The following ZFHX3 variants were observed in gnomAD, a reference collection of about 807,000 sequenced individuals.
ZFHX3 encodes the protein zinc finger homeobox protein 3.
A neutral mutation model predicts 279.1 loss-of-function variants in ZFHX3; 42 were observed. The ratio of observed to expected loss-of-function variants is 0.15; its 90% CI spans 0.12 to 0.19. ZFHX3 has a LOEUF of 0.19. ZFHX3 is among the 10% of genes least tolerant of loss of function. The probability of loss-of-function intolerance (pLI) is 1.00; values close to 1 mark genes in which losing one functional copy is unlikely to be tolerated. For missense variants in ZFHX3, 4,981 were observed against 4,754.0 expected, an observed-to-expected ratio of 1.05 and a Z score of -1.40; for synonymous variants, 2,293 against 1,957.8, an observed-to-expected ratio of 1.17 and a Z score of -4.52.
At chr16:73,634,116 C>T (rs191214511) in intron 2 of ZFHX3, among the ~76,000 whole-genome samples, 1 of 152,032 alleles carries the variant, frequency 6.6e-6, no homozygotes, top group African/African-American at 2.4e-5. Context: ...AAAGATCTAT[C>T]TATGTGTACA....
At chr16:73,140,015 C>T (rs572142524) in intron 6 of ZFHX3, among the ~76,000 whole-genome samples, 3 of 152,282 alleles carry the variant, frequency 2.0e-5, no homozygotes, top group African/African-American at 4.8e-5. Context: ...CACCTGTAAT[C>T]CCAGCGCCTT....
chr16:73,368,429 C>A (rs1475479507), intron 3 of ZFHX3, among the ~76,000 whole-genome samples: 1 of 152,070 alleles, frequency 6.6e-6, no homozygotes, highest in Non-Finnish European at 1.5e-5. Flanking sequence ...CTGTGGTGAG[C>A]TCTTTTTCTA....
At chr16:73,655,451 T>C (rs1046371818) in intron 2 of ZFHX3, among the ~76,000 whole-genome samples, 4 of 152,272 alleles carry the variant, frequency 2.6e-5, no homozygotes, top group Middle Eastern at 3.4e-3. Context: ...AAAATTGACA[T>C]ATGAAAATCA....
At chr16:73,685,071 G>T (rs1324934521) in intron 1 of ZFHX3, among the ~76,000 whole-genome samples, 1 of 150,040 alleles carries the variant, frequency 6.7e-6, no homozygotes, top group Non-Finnish European at 1.5e-5. Flanking sequence ...CTGGAGTCCA[G>T]TGGCCCAACC....
At chr16:73,410,569 C>T (rs1290265165) in intron 3 of ZFHX3, among the ~76,000 whole-genome samples, 4 of 152,216 alleles carry the variant, frequency 2.6e-5, no homozygotes, top group South Asian at 2.1e-4. Context: ...GTCTTATGTA[C>T]CCCAAAAATA....
At chr16:73,759,699 C>T (rs182720336) in intron 1 of ZFHX3, among the ~76,000 whole-genome samples, 2 of 152,138 alleles carry the variant, frequency 1.3e-5, no homozygotes, top group Non-Finnish European at 1.5e-5. Flanking sequence ...CCTTGATTCT[C>T]ATAAACCCTT....
rs750334357 is a variant in ZFHX3, at chr16:73,866,324, G to A, written c.-1608+25327C>T. ...CTCTCTAGTAGTTGGGATTACAGGT[G>A]CACGCCACCATGCCCAGCTAATTTT... On this transcript the variant is annotated intron_variant, in intron 1 of 17. Coordinates refer to the ZFHX3 transcript ENST00000641206. Among the ~76,000 whole-genome samples the A allele has an allele frequency of 1.1e-3, 168 of 151,754 alleles. 3 individuals carry two copies. Among genetic ancestry groups the A allele is most frequent in the Middle Eastern group, 3.4e-3 (1 of 294 alleles).
intron 2 of ZFHX3, among the ~76,000 whole-genome samples, chr16:73,633,363 C>A (rs2052495374): frequency 6.6e-6 from 1 of 152,142 alleles, no homozygotes; most frequent in African/African-American, 2.4e-5. Flanking sequence ...ATTAAACCAG[C>A]AATTCAATCT....
At chr16:72,988,111 C>T (rs189107450) in intron 1 of ZFHX3, among the ~76,000 whole-genome samples, 57 of 152,302 alleles carry the variant, frequency 3.7e-4, no homozygotes, top group African/African-American at 1.2e-3. Context: ...CTTGGAAACC[C>T]GCCCAACAGG....
chr16:73,300,224 C>T (rs2015019770), intron 4 of ZFHX3, among the ~76,000 whole-genome samples: 1 of 148,472 alleles, frequency 6.7e-6, no homozygotes, highest in African/African-American at 2.5e-5. Context: ...GAATGCCCCA[C>T]TGCACACTAG....
intron 4 of ZFHX3, among the ~76,000 whole-genome samples, chr16:73,283,456 G>C (rs943846340): frequency 6.6e-6 from 1 of 152,154 alleles, no homozygotes; most frequent in Non-Finnish European, 1.5e-5. Context: ...ATATAAGAAC[G>C]TGAAGGTTGG....
intron 3 of ZFHX3, among the ~76,000 whole-genome samples, chr16:73,397,779 G>A (rs114717176): frequency 3.4e-5 from 5 of 148,626 alleles, no homozygotes; most frequent in Non-Finnish European, 7.4e-5. Flanking sequence ...GGTGGTATTT[G>A]TTAAGCTGGG....
At chr16:72,932,768 A>G (rs901952489) in intron 3 of ZFHX3, among the ~76,000 whole-genome samples, 2 of 152,192 alleles carry the variant, frequency 1.3e-5, no homozygotes, top group African/African-American at 4.8e-5. Flanking sequence ...TGTGTGGTCT[A>G]AGAAGACGAT....
chr16:73,678,335 C>A (rs8059199), intron 2 of ZFHX3, among the ~76,000 whole-genome samples: 97,742 of 151,914 alleles, frequency 0.64, 31,515 homozygotes, highest in East Asian at 0.79. Flanking sequence ...AGAAGTGCAT[C>A]GGATAATTTT....
intron 3 of ZFHX3, among the ~76,000 whole-genome samples, chr16:73,373,786 T>C (rs1489147637): frequency 1.3e-5 from 2 of 152,092 alleles, no homozygotes; most frequent in Non-Finnish European, 2.9e-5. Flanking sequence ...ATTACTATGA[T>C]GTATGATTTC....
intron 1 of ZFHX3, among the ~76,000 whole-genome samples, chr16:73,740,946 T>C (rs2053651444): frequency 6.6e-6 from 1 of 152,118 alleles, no homozygotes. Context: ...AGTATCTATA[T>C]GAATAGACTT....
chr16:73,402,729 C>T (rs2017281929), intron 3 of ZFHX3, among the ~76,000 whole-genome samples: 2 of 152,056 alleles, frequency 1.3e-5, no homozygotes, highest in Non-Finnish European at 2.9e-5. Context: ...AGGGACAGGT[C>T]TGTATACAAA....
chr16:72,942,831 A>G (rs1192040511), intron 3 of ZFHX3, among the ~76,000 whole-genome samples: 1 of 152,170 alleles, frequency 6.6e-6, no homozygotes, highest in Non-Finnish European at 1.5e-5. Context: ...TTCTTCTGGA[A>G]ACTCTCTCAT....
intron 3 of ZFHX3, among the ~76,000 whole-genome samples, chr16:73,408,205 A>G (rs2017402205): frequency 6.6e-6 from 1 of 152,136 alleles, no homozygotes; most frequent in Non-Finnish European, 1.5e-5. Flanking sequence ...GCATTAAATG[A>G]TATCAGAGTG....
Sources: allele counts gnomAD v4.1 joint callset (sites outside exome capture counted in the v4.1 genomes callset), GRCh38; gene constraint gnomAD v4.1.1; transcripts MANE v1.5; gene names NCBI Gene and HGNC (gene_info 2026-07-23, HGNC 2026-07-21).